The following COLEC12 variants were observed in gnomAD, a reference collection of about 807,000 sequenced individuals.
COLEC12 encodes collectin-12.
Under a neutral mutation model 71.1 loss-of-function variants are expected in COLEC12, and 33 were observed. That is an observed-to-expected ratio of 0.46 (90% CI 0.35 to 0.62). The LOEUF (loss-of-function observed/expected upper bound fraction) is 0.62, where lower values mean the gene tolerates loss of function less well. COLEC12 is among the 20% of genes least tolerant of loss of function. The pLI is 0.00. For synonymous variants in COLEC12, 350 were observed against 353.0 expected (o/e 0.99, Z 0.10); for missense variants, 765 against 916.1 (o/e 0.84, Z 2.13).
intron 2 of COLEC12, among the ~76,000 whole-genome samples, chr18:461,377 A>C (rs561172846): frequency 9.9e-5 from 15 of 152,172 alleles, no homozygotes; most frequent in Non-Finnish European, 2.1e-4. Context: ...CTTTTTTAAA[A>C]TTTAAAAATT....
chr18:477,003 A>G (rs996341739), intron 2 of COLEC12, among the ~76,000 whole-genome samples: 2 of 152,168 alleles, frequency 1.3e-5, no homozygotes, highest in African/African-American at 4.8e-5. Flanking sequence ...CCATCAGACC[A>G]AACTCCATCT....
chr18:374,147 G>A (rs148889938), intron 2 of COLEC12, among the ~76,000 whole-genome samples: 86 of 152,316 alleles, frequency 5.6e-4, no homozygotes, highest in African/African-American at 2.0e-3. Flanking sequence ...AATTCCTGAT[G>A]ATTTAAAGCC....
Position 484,642 on chromosome 18 carries a change from A to C in COLEC12, c.8-3885T>G, listed in dbSNP as rs567525724. Among the ~76,000 whole-genome samples, 11 of 152,308 alleles carry C rather than the reference A, an allele frequency of 7.2e-5. No homozygotes were observed. In the South Asian group the frequency reaches 2.3e-3, roughly 32 times the overall value. ...CTGCATATTACATCCCTTTCTTGGA[A>C]ATTCATAATGGTTTTGGAACCACCA... On this transcript the variant is annotated intron_variant, in intron 1 of 9. Transcript: ENST00000400256.
chr18:382,975 A>AT (rs1245549511), intron 2 of COLEC12, among the ~76,000 whole-genome samples: 1 of 152,044 alleles, frequency 6.6e-6, no homozygotes, highest in Non-Finnish European at 1.5e-5. Context: ...AAATGCAATG[A>AT]TTTTTTGGGG....
intron 2 of COLEC12, among the ~76,000 whole-genome samples, chr18:444,458 T>TA (rs1272610474): frequency 6.6e-6 from 1 of 152,196 alleles, no homozygotes; most frequent in Non-Finnish European, 1.5e-5. Context: ...ATACCATCAG[T>TA]ACTGTGAATA....
At chr18:478,185 C>A (rs1917341129) in intron 2 of COLEC12, among the ~76,000 whole-genome samples, 2 of 152,170 alleles carry the variant, frequency 1.3e-5, no homozygotes, top group Admixed American at 1.3e-4. Context: ...ACTGCTGAGC[C>A]CTTCCCCAAA....
chr18:451,369 C>G (rs1293141147), intron 2 of COLEC12, among the ~76,000 whole-genome samples: 1 of 152,096 alleles, frequency 6.6e-6, no homozygotes, highest in Admixed American at 6.6e-5. Flanking sequence ...TTTGGGGTAT[C>G]TGGTGGAAGA....
At chr18:350,422 C>T (rs1488499162) in intron 3 of COLEC12, among the ~76,000 whole-genome samples, 2 of 152,146 alleles carry the variant, frequency 1.3e-5, no homozygotes, top group Non-Finnish European at 1.5e-5. Context: ...TTATCAGCAG[C>T]ATGGGAACGG....
At chr18:463,645 TAC>T (rs1300213969) in intron 2 of COLEC12, among the ~76,000 whole-genome samples, 2 of 152,106 alleles carry the variant, frequency 1.3e-5, no homozygotes, top group Non-Finnish European at 2.9e-5. Context: ...TGCTATCAGT[TAC>T]ACAGTCAGAG....
At chr18:416,243 A>G (rs890293490) in intron 2 of COLEC12, among the ~76,000 whole-genome samples, 6 of 152,326 alleles carry the variant, frequency 3.9e-5, no homozygotes, top group Middle Eastern at 3.4e-3. Flanking sequence ...TGTTTCATCA[A>G]AAAGAAAAAA....
chr18:402,743 G>A (rs1173231820), intron 2 of COLEC12, among the ~76,000 whole-genome samples: 1 of 139,898 alleles, frequency 7.1e-6, no homozygotes, highest in Non-Finnish European at 1.6e-5. Flanking sequence ...GTCTTGGTGG[G>A]TCAGCAGGAG....
chr18:443,977 T>C (rs34949137), intron 2 of COLEC12, among the ~76,000 whole-genome samples: 33,797 of 152,110 alleles, frequency 0.22, 3,801 homozygotes, highest in East Asian at 0.28. Flanking sequence ...TCTGCCATGA[T>C]CGTAAAAGCT....
chr18:409,750 C>A (rs1190516608), intron 2 of COLEC12, among the ~76,000 whole-genome samples: 1 of 152,128 alleles, frequency 6.6e-6, no homozygotes, highest in Non-Finnish European at 1.5e-5. Context: ...AAGTATAGAG[C>A]TCCTTTGTTA....
chr18:334,815 G>T lies in COLEC12; in HGVS notation c.1743C>A (p.Gly581=). 6.6e-7 allele frequency: 1 copy of T among 1,518,988 alleles called. No homozygotes were observed. Among genetic ancestry groups the T allele is most frequent in the Non-Finnish European group, 8.8e-7 (1 of 1,141,064 alleles). The allele number at this position is 1,518,988 out of a possible 1,614,324, so 94.1% of individuals were successfully genotyped here. Residue 581 remains glycine (G), a synonymous_variant, in exon 6 of 10, where the codon GGC becomes GGA. Transcript: ENST00000400256. The stretch of plus-strand genomic sequence containing the variant: ...CCACCGCTCCTGATGGGCCAGGAGG[G>T]CCGGGGGGGCCCTTGGGGCCTGGCA... ...PGMPGPKGPP[G]PPGPSGAVVP...
At chr18:429,391 T>C (rs1916258599) in intron 2 of COLEC12, among the ~76,000 whole-genome samples, 1 of 101,448 alleles carries the variant, frequency 9.9e-6, no homozygotes, top group African/African-American at 3.4e-5. Flanking sequence ...TTTCTTTCTT[T>C]TTTTTTTTAA....
At chr18:491,163 C>A (rs1172020437) in intron 1 of COLEC12, among the ~76,000 whole-genome samples, 2 of 152,214 alleles carry the variant, frequency 1.3e-5, no homozygotes, top group African/African-American at 4.8e-5. Flanking sequence ...CTGGGGCCAT[C>A]AGGACCCCTG....
intron 8 of COLEC12, among the ~76,000 whole-genome samples, chr18:330,664 C>A (rs961204112): frequency 6.6e-6 from 1 of 152,028 alleles, no homozygotes; most frequent in African/African-American, 2.4e-5. Flanking sequence ...GCTAACACCC[C>A]CTAGGGTAGG....
chr18:343,801 C>T (rs751806430), intron 5 of COLEC12, among the ~76,000 whole-genome samples: 4 of 152,146 alleles, frequency 2.6e-5, no homozygotes, highest in South Asian at 2.1e-4. Context: ...TTAATTTCCT[C>T]GTCTATAAAC....
intron 2 of COLEC12, among the ~76,000 whole-genome samples, chr18:473,394 G>A (rs112912949): frequency 0.015 from 2,271 of 152,056 alleles, 65 homozygotes; most frequent in African/African-American, 0.052. Context: ...ACGGAGTTTC[G>A]CTCTGTTGCC....
Sources: gnomAD v4.1 joint callset for allele counts (sites outside exome capture counted in the v4.1 genomes callset) on GRCh38, gnomAD v4.1.1 for gene constraint, MANE v1.5 for transcripts, NCBI Gene and HGNC (gene_info 2026-07-23, HGNC 2026-07-21) for gene names.